ERC2: variants seen among roughly 807,000 people sequenced by gnomAD.
ERC2 encodes ELKS/RAB6-interacting/CAST family member 2, also known as ERC protein 2.
Under a neutral mutation model 114.8 loss-of-function variants are expected in ERC2, and 42 were observed. The observed-to-expected ratio is 0.37, with a 90% CI of 0.29 to 0.47. ERC2 has a LOEUF of 0.47. Ranked by LOEUF, ERC2 falls within the 20% of genes least tolerant of loss-of-function variation. The pLI, the probability that ERC2 is intolerant of heterozygous loss-of-function variation, is 0.99. For synonymous variants in ERC2, 454 were observed against 425.5 expected (o/e 1.07, Z -0.82); for missense variants, 939 against 1,150.7 (o/e 0.82, Z 2.66).
At chr3:56,185,816 A>G (rs1383548080) in intron 3 of ERC2, among the ~76,000 whole-genome samples, 1 of 152,178 alleles carries the variant, frequency 6.6e-6, no homozygotes, top group African/African-American at 2.4e-5. Context: ...GGGTGAGTGC[A>G]ATCTAATCAC....
intron 14 of ERC2, among the ~76,000 whole-genome samples, chr3:55,881,697 G>A (rs1040639635): frequency 2.0e-5 from 3 of 151,840 alleles, no homozygotes; most frequent in African/African-American, 7.3e-5. Flanking sequence ...TAAATAACTG[G>A]GCTTTTGTTA....
chr3:55,833,431 C>A (rs978415085), intron 14 of ERC2, among the ~76,000 whole-genome samples: 1 of 151,884 alleles, frequency 6.6e-6, no homozygotes, highest in African/African-American at 2.4e-5. Flanking sequence ...CTCTACAAGC[C>A]AGAAGAGAGT....
chr3:56,159,401 T>C (rs1010479602), intron 4 of ERC2, among the ~76,000 whole-genome samples: 2 of 152,236 alleles, frequency 1.3e-5, no homozygotes, highest in African/African-American at 2.4e-5. Flanking sequence ...TTCCCCGAAG[T>C]TGTTATTCTA....
At chr3:56,286,974 T>C (rs1035509533) in intron 3 of ERC2, among the ~76,000 whole-genome samples, 1 of 152,344 alleles carries the variant, frequency 6.6e-6, no homozygotes, top group Admixed American at 6.5e-5. Context: ...ATAGCTGCTG[T>C]AACGATAGCC....
At chr3:56,064,651 A>T (rs2076390783) in intron 7 of ERC2, among the ~76,000 whole-genome samples, 1 of 152,216 alleles carries the variant, frequency 6.6e-6, no homozygotes, top group African/African-American at 2.4e-5. Context: ...AACAGTAAAT[A>T]TAGTCTGGAA....
chr3:56,272,358 G>C (rs1410989030), intron 3 of ERC2, among the ~76,000 whole-genome samples: 1 of 152,182 alleles, frequency 6.6e-6, no homozygotes, highest in Non-Finnish European at 1.5e-5. Context: ...CCCATTATCA[G>C]CATCACCAAG....
chr3:56,194,955 T>C (rs1447025696), intron 3 of ERC2, among the ~76,000 whole-genome samples: 1 of 152,222 alleles, frequency 6.6e-6, no homozygotes, highest in African/African-American at 2.4e-5. Flanking sequence ...TATATTCTAA[T>C]ACCTCCAATA....
At chr3:55,633,662 A>C (rs1315686975) in intron 17 of ERC2, among the ~76,000 whole-genome samples, 1 of 152,244 alleles carries the variant, frequency 6.6e-6, no homozygotes, top group Non-Finnish European at 1.5e-5. Context: ...TGCTATTTGC[A>C]AACACTGGCC....
At chr3:56,413,025 C>T (rs187845227) in intron 2 of ERC2, among the ~76,000 whole-genome samples, 21 of 152,322 alleles carry the variant, frequency 1.4e-4, no homozygotes, top group Non-Finnish European at 2.2e-4. Flanking sequence ...ACTTACACCT[C>T]TTAGCCAGTC....
rs147128515 is a variant in ERC2 at position 56,435,051 on chromosome 3, A to G, written c.-44T>C. 1.1e-3 allele frequency: 1,637 copies of G among 1,465,064 alleles called. 14 individuals are homozygous for G. The African/African-American group carries it at 0.021, about 18-fold the overall frequency. 90.8% of individuals were successfully genotyped at this position (1,465,064 alleles called of 1,614,324 possible). A position where few individuals can be genotyped will look rare whatever the true frequency, so the allele number is the denominator to read the frequency against. On this transcript the variant is annotated 5_prime_UTR_variant, in exon 2 of 18. Transcript: ENST00000288221. ...TGTTACTGAAGAGAAGAAATGCTAT[A>G]TTAAGTTGGGGTTTGAGCTAATATT... is the stretch of plus-strand genomic sequence containing the variant.
chr3:55,725,040 G>A (rs1038838039), intron 15 of ERC2, among the ~76,000 whole-genome samples: 2 of 152,154 alleles, frequency 1.3e-5, no homozygotes, highest in Non-Finnish European at 2.9e-5. Flanking sequence ...GAGAGAGAGA[G>A]CACAGTGAGA....
At chr3:55,767,535 G>A (rs916564730) in intron 14 of ERC2, among the ~76,000 whole-genome samples, 1 of 152,104 alleles carries the variant, frequency 6.6e-6, no homozygotes, top group African/African-American at 2.4e-5. Context: ...TTTCCCTAAG[G>A]TGCTTTAATT....
At chr3:55,791,023 A>AG (rs1408463553) in intron 14 of ERC2, among the ~76,000 whole-genome samples, 3 of 152,222 alleles carry the variant, frequency 2.0e-5, no homozygotes, top group African/African-American at 7.2e-5. Context: ...CTTGTCAACC[A>AG]GGGTCATCAT....
chr3:56,121,254 CTCTT>C (rs374811579), intron 6 of ERC2, among the ~76,000 whole-genome samples: 12 of 152,270 alleles, frequency 7.9e-5, no homozygotes, highest in East Asian at 1.9e-4. Context: ...ATACAAGTCA[CTCTT>C]TCTCGGTTCA....
intron 7 of ERC2, among the ~76,000 whole-genome samples, chr3:56,065,588 C>T (rs1486409779): frequency 2.6e-5 from 4 of 151,904 alleles, no homozygotes; most frequent in Non-Finnish European, 5.9e-5. Context: ...AGGTTTGTTG[C>T]ATAGGTTAAT....
intron 17 of ERC2, among the ~76,000 whole-genome samples, chr3:55,548,334 A>C (rs945451819): frequency 1.3e-5 from 2 of 152,248 alleles, no homozygotes; most frequent in African/African-American, 4.8e-5. Context: ...AATTTAAATA[A>C]ATCATTTTGG....
chr3:55,574,354 C>T (rs1455089912), intron 17 of ERC2, among the ~76,000 whole-genome samples: 1 of 152,158 alleles, frequency 6.6e-6, no homozygotes, highest in Non-Finnish European at 1.5e-5. Context: ...GCCAAAGTCC[C>T]TTGATAAAAC....
At chr3:56,276,769 GGAA>G (rs1426979462) in intron 3 of ERC2, among the ~76,000 whole-genome samples, 2 of 152,116 alleles carry the variant, frequency 1.3e-5, no homozygotes, top group Admixed American at 6.6e-5. Context: ...GGGCCACATT[GGAA>G]GAAGAATTGT....
intron 17 of ERC2, among the ~76,000 whole-genome samples, chr3:55,582,679 C>T (rs149629292): frequency 1.3e-5 from 2 of 152,174 alleles, no homozygotes; most frequent in Admixed American, 6.5e-5. Context: ...GGGCTCTGAC[C>T]AGAGCCCTCC....
Sources: gnomAD v4.1 joint callset for allele counts (sites outside exome capture counted in the v4.1 genomes callset) on GRCh38, gnomAD v4.1.1 for gene constraint, MANE v1.5 for transcripts, NCBI Gene and HGNC (gene_info 2026-07-23, HGNC 2026-07-21) for gene names.